Variants in BMAL1 observed in about 807,000 individuals in gnomAD.
BMAL1 encodes basic helix-loop-helix ARNT-like protein 1.
At chr11:13,287,454 T>G in the BMAL1 span, among the ~76,000 whole-genome samples, 4 of 152,224 alleles carry the variant, frequency 2.6e-5, no homozygotes, top group African/African-American at 9.6e-5. Context: ...GGAATACCAG[T>G]GGCAATGTCA....
the BMAL1 span, among the ~76,000 whole-genome samples, chr11:13,299,339 G>A: frequency 6.6e-6 from 1 of 152,196 alleles, no homozygotes; most frequent in Non-Finnish European, 1.5e-5. Context: ...TGTGTTCAGA[G>A]GTGGCTGGGA....
At chr11:13,365,697 T>A in the BMAL1 span, 2 of 840,340 alleles carry the variant, frequency 2.4e-6, no homozygotes, top group Non-Finnish European at 3.7e-6. Flanking sequence ...GTGAACTTCT[T>A]CCAGAAAATT....
chr11:13,343,564 G>A, the BMAL1 span, among the ~76,000 whole-genome samples: 1 of 152,188 alleles, frequency 6.6e-6, no homozygotes, highest in South Asian at 2.1e-4. Context: ...TCCACTTCCA[G>A]GACCAAGAGT....
the BMAL1 span, among the ~76,000 whole-genome samples, chr11:13,351,325 G>GT: frequency 1.3e-3 from 199 of 152,342 alleles, 2 homozygotes; most frequent in African/African-American, 4.6e-3. Flanking sequence ...TGGCTTCTAG[G>GT]TTTGGGGCCT....
chr11:13,303,642 A>T, the BMAL1 span, among the ~76,000 whole-genome samples: 1 of 152,174 alleles, frequency 6.6e-6, no homozygotes, highest in Admixed American at 6.5e-5. Context: ...GACTCCTTTT[A>T]TCCTGTGTCT....
chr11:13,305,989 C>T, the BMAL1 span, among the ~76,000 whole-genome samples: 1 of 152,174 alleles, frequency 6.6e-6, no homozygotes, highest in African/African-American at 2.4e-5. Context: ...CTGTGTTGTT[C>T]CTTGGATCCT....
chr11:13,283,713 A>G, the BMAL1 span, among the ~76,000 whole-genome samples: 1 of 152,144 alleles, frequency 6.6e-6, no homozygotes, highest in Admixed American at 6.5e-5. Context: ...CCTCTTTTAG[A>G]GCGGAGCTGC....
chr11:13,284,267 T>TATATATATATATA, the BMAL1 span, among the ~76,000 whole-genome samples: 9 of 11,766 alleles, frequency 7.6e-4, no homozygotes, highest in African/African-American at 3.1e-3. Context: ...TATATATATA[T>TATATATATATATA]TTTTTTTTTT....
chr11:13,335,472 A>T, the BMAL1 span, among the ~76,000 whole-genome samples: 1 of 152,110 alleles, frequency 6.6e-6, no homozygotes, highest in South Asian at 2.1e-4. Context: ...GGTGATCTGG[A>T]TGTCACAGTG....
the BMAL1 span, among the ~76,000 whole-genome samples, chr11:13,300,148 C>T: frequency 6.6e-6 from 1 of 152,188 alleles, no homozygotes; most frequent in Non-Finnish European, 1.5e-5. Context: ...TCCATGGGCC[C>T]CTCGTCTTCC....
At chr11:13,284,220 ATATATATG>A in the BMAL1 span, among the ~76,000 whole-genome samples, 40 of 17,534 alleles carry the variant, frequency 2.3e-3, 2 homozygotes, top group South Asian at 8.1e-3. Context: ...GTGTATATAT[ATATATATG>A]TGTGTGTATA....
the BMAL1 span, chr11:13,376,754 G>GGGC: frequency 1.9e-6 from 3 of 1,606,214 alleles, no homozygotes; most frequent in East Asian, 6.7e-5. Context: ...TGGGGCCCTG[G>GGGC]GGCTTGCCCG....
the BMAL1 span, chr11:13,277,842 G>A: frequency 6.6e-6 from 1 of 152,290 alleles, no homozygotes; most frequent in Non-Finnish European, 1.5e-5. Context: ...GGAGGTGCCT[G>A]TTTACCCGCG....
chr11:13,314,229 C>CCACACACACACA, the BMAL1 span, among the ~76,000 whole-genome samples: 2,909 of 138,656 alleles, frequency 0.021, 57 homozygotes, highest in East Asian at 0.072. Flanking sequence ...AGGGTGGAGA[C>CCACACACACACA]CACACACACA....
chr11:13,384,440 A>T, the BMAL1 span, among the ~76,000 whole-genome samples: 1 of 152,348 alleles, frequency 6.6e-6, no homozygotes, highest in East Asian at 1.9e-4. Flanking sequence ...CTAAGTGCCA[A>T]GATATAAAGA....
the BMAL1 span, among the ~76,000 whole-genome samples, chr11:13,333,155 C>T: frequency 2.0e-5 from 3 of 151,964 alleles, no homozygotes; most frequent in Non-Finnish European, 2.9e-5. Flanking sequence ...TTAGTAGAGA[C>T]GGGGTTTTGC....
chr11:13,360,481 G>C, the BMAL1 span: 1 of 1,500,118 alleles, frequency 6.7e-7, no homozygotes, highest in South Asian at 1.2e-5. Context: ...TTTCAAGTAA[G>C]TACCAGCATG....
At chr11:13,372,175 G>A in the BMAL1 span, 1 of 1,613,858 alleles carries the variant, frequency 6.2e-7, no homozygotes, top group Non-Finnish European at 8.5e-7. Flanking sequence ...GATCGAAAAA[G>A]CTTCTGCACA....
the BMAL1 span, among the ~76,000 whole-genome samples, chr11:13,360,625 G>T: frequency 6.6e-6 from 1 of 151,660 alleles, no homozygotes; most frequent in Non-Finnish European, 1.5e-5. Flanking sequence ...TTTTAACCTC[G>T]TCTAGACAAA....
Sources: allele counts gnomAD v4.1 joint callset (sites outside exome capture counted in the v4.1 genomes callset), GRCh38; gene constraint gnomAD v4.1.1; transcripts MANE v1.5; gene names NCBI Gene and HGNC (gene_info 2026-07-23, HGNC 2026-07-21).